Variants in WASF2 observed in about 807,000 individuals in gnomAD.
The protein encoded by WASF2 is actin-binding protein WASF2.
A neutral mutation model predicts 45.0 loss-of-function variants in WASF2; 14 were observed. The observed-to-expected ratio is 0.31, with a 90% CI of 0.21 to 0.49. The LOEUF (loss-of-function observed/expected upper bound fraction) is 0.49. Among genes scored for constraint, WASF2 ranks in the 20% least tolerant of loss-of-function variants. WASF2 has a pLI of 0.99. For synonymous variants in WASF2, 200 were observed against 236.3 expected, an observed-to-expected ratio of 0.85 and a Z score of 1.41; for missense variants, 439 against 636.1, an observed-to-expected ratio of 0.69 and a Z score of 3.33.
rs1451227140 is a variant in WASF2 at position 27,405,825 on chromosome 1, A to G, written c.*2364T>C. ...AGATCATTACCAAACCAACTGTAGG[A>G]TGAGAACATAGCACATCGAAACCCT... is the stretch of plus-strand genomic sequence containing the variant. On this transcript the variant is annotated 3_prime_UTR_variant, in exon 9 of 9. Transcript: ENST00000618852. 1 of 152,592 alleles carries G rather than the reference A, an allele frequency of 6.6e-6. No individual in the cohort carries two copies. Among genetic ancestry groups the G allele is most frequent in the East Asian group, 1.9e-4 (1 of 5,160 alleles). 9.5% of individuals were successfully genotyped at this position (152,592 alleles called of 1,614,324 possible). A position where few individuals can be genotyped will look rare whatever the true frequency, so the allele number is the denominator to read the frequency against.
At chr1:27,441,938 AAAAG>A (rs1467201693) in intron 1 of WASF2, among the ~76,000 whole-genome samples, 18 of 150,312 alleles carry the variant, frequency 1.2e-4, no homozygotes, top group African/African-American at 2.9e-4. Context: ...AAAAAAAAAA[AAAAG>A]AAAGAAAGAA....
At position 27,412,602 on chromosome 1, in the gene WASF2, T is replaced by C. The variant is rs1440551209; in HGVS notation, c.794A>G (p.Asp265Gly). The change falls in exon 7 of 9, where the codon GAC becomes GGC. Residue 265 changes from aspartate to glycine, a missense_variant. Physicochemically the swap from Asp to Gly is moderately conservative, Grantham distance 94. Coordinates refer to ENST00000618852, the MANE Select transcript of WASF2 (RefSeq NM_006990.5). ...ASSPSPSFSEDNLPPPPAEFS... is the reference protein window; with the variant it reads ...ASSPSPSFSEGNLPPPPAEFS... ...TTCTGCTGGTGGAGGAGGCAAGTTG[T>C]CCTCGGAGAAGGAAGGAGAAGGTGA... 2 of 1,614,186 alleles carry C rather than the reference T, an allele frequency of 1.2e-6. No homozygotes were observed. Among genetic ancestry groups the C allele is most frequent in the Non-Finnish European group, 1.7e-6 (2 of 1,180,022 alleles).
chr1:27,486,450 C>T (rs2017924636), intron 1 of WASF2, among the ~76,000 whole-genome samples: 1 of 152,104 alleles, frequency 6.6e-6, no homozygotes, highest in African/African-American at 2.4e-5. Flanking sequence ...TAGAGCTTCA[C>T]GTGCAATAAA....
intron 1 of WASF2, among the ~76,000 whole-genome samples, chr1:27,440,505 A>G (rs2017208040): frequency 6.6e-6 from 1 of 151,772 alleles, no homozygotes; most frequent in African/African-American, 2.4e-5. Flanking sequence ...CTGGTGACAG[A>G]GTGAGACCCT....
intron 1 of WASF2, among the ~76,000 whole-genome samples, chr1:27,489,653 AGGG>A (rs1220203853): frequency 1.3e-5 from 2 of 152,156 alleles, no homozygotes; most frequent in African/African-American, 4.8e-5. Context: ...CGTTTTACAC[AGGG>A]GGTAAACTAA....
chr1:27,432,264 T>C (rs1446710150), intron 1 of WASF2, among the ~76,000 whole-genome samples: 1 of 152,190 alleles, frequency 6.6e-6, no homozygotes, highest in Non-Finnish European at 1.5e-5. Flanking sequence ...CCCTGACTAG[T>C]ACACCTTACT....
intron 2 of WASF2, 134 bp downstream of exon 2, chr1:27,428,627 A>T: frequency 7.5e-7 from 1 of 1,330,456 alleles, no homozygotes; most frequent in Admixed American, 2.0e-5. Flanking sequence ...TTTGGGGAGG[A>T]GAGGGAGGAT....
chr1:27,426,761 C>T (rs1444542669), intron 2 of WASF2, among the ~76,000 whole-genome samples: 2 of 152,110 alleles, frequency 1.3e-5, no homozygotes, highest in Non-Finnish European at 2.9e-5. Flanking sequence ...CCACACCCTT[C>T]AGCCTCCCAA....
chr1:27,477,353 A>G (rs1478831425), intron 1 of WASF2, among the ~76,000 whole-genome samples: 1 of 151,966 alleles, frequency 6.6e-6, no homozygotes, highest in Non-Finnish European at 1.5e-5. Context: ...CAGCCTGGCC[A>G]ACATGGCGAA....
chr1:27,404,592 C>T lies in WASF2; in HGVS notation c.*3597G>A, dbSNP rs2016637417. ...CCCCTTCCCTAAAATCTTGATGTGG[C>T]AAACACACCCAAGAACCCACAGGAA... On this transcript the variant is annotated 3_prime_UTR_variant, in exon 9 of 9. Transcript: ENST00000618852. 6.6e-6 allele frequency: 1 copy of T among 152,134 alleles called. No individual in the cohort carries two copies. Among genetic ancestry groups the T allele is most frequent in the Non-Finnish European group, 1.5e-5 (1 of 68,030 alleles). 9.4% of individuals were successfully genotyped at this position (152,134 alleles called of 1,614,324 possible).
chr1:27,448,065 G>A (rs981768912), intron 1 of WASF2, among the ~76,000 whole-genome samples: 11 of 152,152 alleles, frequency 7.2e-5, no homozygotes, highest in African/African-American at 1.9e-4. Flanking sequence ...CACACCCCGC[G>A]GGAGGATGGT....
intron 1 of WASF2, among the ~76,000 whole-genome samples, chr1:27,472,192 A>G (rs9438573): frequency 0.24 from 35,948 of 151,652 alleles, 7,163 homozygotes; most frequent in African/African-American, 0.54. Flanking sequence ...TTAGCCGGGC[A>G]TGGTGGCGGG....
At chr1:27,463,634 A>C (rs2017577373) in intron 1 of WASF2, among the ~76,000 whole-genome samples, 1 of 150,486 alleles carries the variant, frequency 6.6e-6, no homozygotes, top group African/African-American at 2.4e-5. Flanking sequence ...AAAAAAAAAA[A>C]AAAAAAAAAA....
intron 1 of WASF2, among the ~76,000 whole-genome samples, chr1:27,448,979 T>G (rs2017346243): frequency 6.6e-6 from 1 of 152,096 alleles, no homozygotes; most frequent in Admixed American, 6.6e-5. Context: ...CTGTACCATG[T>G]TCTCTCTTAC....
At chr1:27,445,575 ACTG>A (rs1427106150) in intron 1 of WASF2, among the ~76,000 whole-genome samples, 2 of 152,214 alleles carry the variant, frequency 1.3e-5, no homozygotes, top group Admixed American at 1.3e-4. Flanking sequence ...AGTATAACAT[ACTG>A]CTTTCTCCCT....
intron 1 of WASF2, among the ~76,000 whole-genome samples, chr1:27,442,183 C>CA (rs1189230419): frequency 6.6e-6 from 1 of 151,594 alleles, no homozygotes; most frequent in Non-Finnish European, 1.5e-5. Flanking sequence ...CCTATCTTTA[C>CA]AAAAAAATTT....
At chr1:27,468,985 T>C (rs950510781) in intron 1 of WASF2, among the ~76,000 whole-genome samples, 3 of 151,414 alleles carry the variant, frequency 2.0e-5, no homozygotes, top group African/African-American at 7.3e-5. Context: ...ATCAACCTTG[T>C]CTGAAACCTG....
chr1:27,487,300 C>T (rs914093890), intron 1 of WASF2, among the ~76,000 whole-genome samples: 4 of 143,912 alleles, frequency 2.8e-5, no homozygotes, highest in Non-Finnish European at 6.0e-5. Flanking sequence ...GTAGTTTCAC[C>T]GTGTTAGCCA....
chr1:27,419,452 T>TA (rs1209834513), intron 2 of WASF2, among the ~76,000 whole-genome samples: 1 of 152,158 alleles, frequency 6.6e-6, no homozygotes, highest in Non-Finnish European at 1.5e-5. Context: ...CCGTCTCTAC[T>TA]AAAAATACAA....
Sources: gnomAD v4.1 joint callset for allele counts (sites outside exome capture counted in the v4.1 genomes callset) on GRCh38, gnomAD v4.1.1 for gene constraint, MANE v1.5 for transcripts, NCBI Gene and HGNC (gene_info 2026-07-23, HGNC 2026-07-21) for gene names.